The following ARHGEF12 variants were observed in gnomAD, a reference collection of about 807,000 sequenced individuals.
The protein encoded by ARHGEF12 is KMT2A/ARHGEF12 fusion protein.
A neutral mutation model predicts 211.2 loss-of-function variants in ARHGEF12; 66 were observed. The ratio of observed to expected loss-of-function variants is 0.31; its 90% CI spans 0.26 to 0.38. The LOEUF is 0.38. Among genes scored for constraint, ARHGEF12 ranks in the 10% least tolerant of loss-of-function variants. The pLI is 1.00. For synonymous variants in ARHGEF12, 592 were observed against 638.4 expected (o/e 0.93, Z 1.09); for missense variants, 1,429 against 1,869.5 (o/e 0.76, Z 4.34).
intron 4 of ARHGEF12, 92 bp downstream of exon 4, chr11:120,409,542 T>C: frequency 7.8e-7 from 1 of 1,285,710 alleles, no homozygotes; most frequent in South Asian, 1.3e-5. Flanking sequence ...TCTTTCTTTT[T>C]AAATAACTGC....
intron 29 of ARHGEF12, 136 bp from the exon 30 acceptor site, chr11:120,469,151 GC>G (rs1946797290): frequency 1.6e-6 from 1 of 628,656 alleles, no homozygotes; most frequent in African/African-American, 1.8e-5. Context: ...TCTGACAGAG[GC>G]TTTAAGCTGG....
chr11:120,465,185 G>A (rs1946663937), intron 27 of ARHGEF12, 52 bp from the exon 28 acceptor site: 4 of 1,609,872 alleles, frequency 2.5e-6, no homozygotes, highest in Non-Finnish European at 3.4e-6. Flanking sequence ...TGTCTGGCTT[G>A]TATAAGCTCA....
chr11:120,376,877 A>G (rs902894995), intron 1 of ARHGEF12, among the ~76,000 whole-genome samples: 1 of 152,164 alleles, frequency 6.6e-6, no homozygotes, highest in Non-Finnish European at 1.5e-5. Context: ...CCACAAATGA[A>G]TGAGAGCATG....
chr11:120,372,062 A>G (rs1943604112), intron 1 of ARHGEF12, among the ~76,000 whole-genome samples: 1 of 152,244 alleles, frequency 6.6e-6, no homozygotes, highest in African/African-American at 2.4e-5. Context: ...GCTGGTTTAT[A>G]ACCTAGAGCA....
At chr11:120,457,788 G>A in intron 24 of ARHGEF12, 32 bp downstream of exon 24, 1 of 1,599,092 alleles carries the variant, frequency 6.3e-7, no homozygotes, top group Non-Finnish European at 8.5e-7. Context: ...TTCAATAAAG[G>A]CGCATTTTAA....
Position 120,431,771 on chromosome 11 carries a change from G to A in ARHGEF12, c.784G>A (p.Asp262Asn). 3 of 1,587,652 alleles carry A rather than the reference G, an allele frequency of 1.9e-6. No homozygotes were observed. The highest frequency in any genetic ancestry group is 1.7e-6 in the Non-Finnish European group (2 of 1,170,924). ...QLSKATGSAQ[D>N]GAVVTPSRPL... ...CGTGTTTTTCTTTCATCTGTTTTAGGATGGAGCTGTAGTTACACCCTCCAG... is the reference window on the plus strand; with the variant it reads ...CGTGTTTTTCTTTCATCTGTTTTAGAATGGAGCTGTAGTTACACCCTCCAG... Residue 262 changes from aspartate to asparagine, a missense_variant and splice_region_variant, in exon 11 of 41, where the codon GAT (aspartate) becomes AAT (asparagine). Physicochemically the swap from Asp to Asn is conservative, Grantham distance 23 (BLOSUM62 1). Coordinates refer to ENST00000397843, the MANE Select transcript of ARHGEF12 (RefSeq NM_015313.3).
intron 36 of ARHGEF12, 90 bp downstream of exon 36, chr11:120,477,616 G>A (rs1947087080): frequency 6.3e-6 from 8 of 1,271,860 alleles, no homozygotes; most frequent in South Asian, 3.8e-5. Context: ...TGTAATCCCA[G>A]TGCTTTGGGA....
intron 1 of ARHGEF12, among the ~76,000 whole-genome samples, chr11:120,388,513 G>GTATA (rs1352102706): frequency 1.3e-5 from 2 of 152,132 alleles, no homozygotes; most frequent in Admixed American, 6.5e-5. Flanking sequence ...TATATGGTAG[G>GTATA]TATATATTTT....
intron 11 of ARHGEF12, among the ~76,000 whole-genome samples, 176 bp downstream of exon 11, chr11:120,432,087 T>C (rs1480469611): frequency 6.6e-6 from 1 of 152,218 alleles, no homozygotes; most frequent in African/African-American, 2.4e-5. Flanking sequence ...AAGCTTTTAA[T>C]TCCAGAGTTC....
rs377066055 is a variant in ARHGEF12, at chr11:120,457,120, T to G, written c.2059T>G (p.Ser687Ala). The G allele has an allele frequency of 6.9e-5, 112 of 1,613,618 alleles. No homozygotes were observed. Among genetic ancestry groups the G allele is most frequent in the Non-Finnish European group, 9.2e-5 (109 of 1,179,886 alleles). Residue 687 changes from serine to alanine, a missense_variant and splice_region_variant, in exon 23 of 41, where the codon TCA (serine) becomes GCA (alanine). This residue lies in a region of ARHGEF12 where 373 missense variants were observed against 467.5 expected (regional missense o/e 0.80). Transcript: ENST00000397843. ...AAATGTCTGACTTTTGTCTACAGGA[T>G]CAAAGCAAGTTGGAGAAACATCAGC... ...QEGGKENDTG[S>A]KQVGETSAPG...
In ARHGEF12 at chr11:120,488,957, C is replaced by G. The variant is rs1483333239; in HGVS notation, c.*3880C>G. On this transcript the variant is annotated 3_prime_UTR_variant, in exon 41 of 41. Transcript: ENST00000397843. ...GTTTCTGGAACAAAATATTGGTCAT[C>G]TAAAAACTTTCTGTTTTCTGGGGTC... 1.8e-5 allele frequency: 4 copies of G among 219,098 alleles called. No homozygotes were observed. The highest frequency in any genetic ancestry group is 2.2e-5 in the African/African-American group (1 of 44,532). The allele number at this position is 219,098 out of a possible 1,614,324, so 13.6% of individuals were successfully genotyped here. A position where few individuals can be genotyped will look rare whatever the true frequency, so the allele number is the denominator to read the frequency against.
intron 1 of ARHGEF12, among the ~76,000 whole-genome samples, chr11:120,369,774 T>C (rs1943537090): frequency 6.6e-6 from 1 of 152,246 alleles, no homozygotes; most frequent in Non-Finnish European, 1.5e-5. Context: ...TTTCGTCTTA[T>C]ACTTGGAATA....
chr11:120,336,629 G>C lies in ARHGEF12; in HGVS notation c.-615G>C, dbSNP rs912371028. Among the ~76,000 whole-genome samples, 5 of 152,236 alleles carry C rather than the reference G, an allele frequency of 3.3e-5. No homozygotes were observed. The highest frequency in any genetic ancestry group is 4.8e-5 in the African/African-American group (2 of 41,570). On this transcript the variant is annotated 5_prime_UTR_variant, in exon 1 of 41. Transcript: ENST00000397843. ...CCGGGTCCCTGTCACCTCGGGCCGC[G>C]GGACCTCTCCGCCGGCGCCAGCGGC... is the stretch of plus-strand genomic sequence containing the variant.
At chr11:120,341,339 T>G (rs1208937094) in intron 1 of ARHGEF12, among the ~76,000 whole-genome samples, 2 of 152,238 alleles carry the variant, frequency 1.3e-5, no homozygotes, top group Non-Finnish European at 2.9e-5. Flanking sequence ...ATTACAGGCT[T>G]GAGCCACCGA....
At chr11:120,483,647 C>A (rs543346178) in intron 39 of ARHGEF12, among the ~76,000 whole-genome samples, 16 of 151,406 alleles carry the variant, frequency 1.1e-4, no homozygotes, top group African/African-American at 3.9e-4. Context: ...CAGAGTCTTG[C>A]TCTGTCGCCC....
At chr11:120,342,176 A>G (rs533341243) in intron 1 of ARHGEF12, among the ~76,000 whole-genome samples, 2 of 151,864 alleles carry the variant, frequency 1.3e-5, no homozygotes, top group South Asian at 4.2e-4. Flanking sequence ...TTTCTGTGCT[A>G]TTTTCCTTTA....
At chr11:120,343,848 C>T (rs1435543796) in intron 1 of ARHGEF12, among the ~76,000 whole-genome samples, 1 of 152,184 alleles carries the variant, frequency 6.6e-6, no homozygotes, top group Non-Finnish European at 1.5e-5. Context: ...TAAAGGTACA[C>T]TCTGATACTA....
rs77977839 is a variant in ARHGEF12 at position 120,351,092 on chromosome 11, A to G, written c.32+13817A>G. 8.9e-3 allele frequency among the ~76,000 whole-genome samples: 1,350 copies of G among 152,058 alleles called. 86 individuals are homozygous for G. In the South Asian group the frequency reaches 0.16, roughly 18 times the overall value. On this transcript the variant is annotated intron_variant, in intron 1 of 40. Coordinates refer to ENST00000397843, the MANE Select transcript of ARHGEF12 (RefSeq NM_015313.3). ...TGGCCGGGTGCGGTGACTCACGCCT[A>G]TAATCCCAGCACTTTGGGAGGCTGA... is the stretch of plus-strand genomic sequence containing the variant.
At chr11:120,382,525 A>G (rs1438907009) in intron 1 of ARHGEF12, among the ~76,000 whole-genome samples, 1 of 152,216 alleles carries the variant, frequency 6.6e-6, no homozygotes, top group Non-Finnish European at 1.5e-5. Flanking sequence ...ATACATATAC[A>G]TTTCTGCCTA....
Sources: gnomAD v4.1 joint callset for allele counts (sites outside exome capture counted in the v4.1 genomes callset) on GRCh38, gnomAD v4.1.1 for gene constraint, gnomAD v4.1.1 regional missense constraint, MANE v1.5 for transcripts, NCBI Gene and HGNC (gene_info 2026-07-23, HGNC 2026-07-21) for gene names.